IKZF2: variants seen among roughly 807,000 people sequenced by gnomAD.
The protein encoded by IKZF2 is zinc finger protein Helios.
Under a neutral mutation model 49.2 loss-of-function variants are expected in IKZF2, and 15 were observed. The observed-to-expected ratio is 0.30, with a 90% CI of 0.20 to 0.47. The LOEUF (loss-of-function observed/expected upper bound fraction) is 0.47, where lower values mean the gene tolerates loss of function less well. Among genes scored for constraint, IKZF2 ranks in the 20% least tolerant of loss-of-function variants. IKZF2 has a pLI of 1.00. For synonymous variants in IKZF2, 227 were observed against 221.4 expected, an observed-to-expected ratio of 1.03 and a Z score of -0.23; for missense variants, 567 against 664.6, an observed-to-expected ratio of 0.85 and a Z score of 1.61.
rs200368879 is a variant in IKZF2, at chr2:213,061,213, ACAAT to A, written c.140-4118_140-4115del. Among the ~76,000 whole-genome samples, 765 of 151,674 alleles carry A rather than the reference ACAAT, an allele frequency of 5.0e-3. 6 individuals carry two copies. The highest frequency in any genetic ancestry group is 0.017 in the African/African-American group (708 of 41,522). On this transcript the variant is annotated intron_variant, in intron 4 of 8. Transcript: ENST00000434687. ...CTTCAGTAACCATTCTAGGCTCTCT[ACAAT>A]CAAAGGCTTCACAATAGTCATTGCT... is the stretch of plus-strand genomic sequence containing the variant.
intron 4 of IKZF2, among the ~76,000 whole-genome samples, chr2:213,141,216 T>A (rs6721296): frequency 0.27 from 40,890 of 151,810 alleles, 6,894 homozygotes; most frequent in Non-Finnish European, 0.38. Context: ...CCTTCCTTTT[T>A]ATCCCACTAC....
chr2:213,151,827 G>T (rs1210297017), upstream of IKZF2, among the ~76,000 whole-genome samples: 1 of 149,090 alleles, frequency 6.7e-6, no homozygotes, highest in Non-Finnish European at 1.5e-5. Flanking sequence ...GGGCCCGAGC[G>T]CCTGTGCGTG....
intron 4 of IKZF2, among the ~76,000 whole-genome samples, chr2:213,057,378 T>G (rs887518865): frequency 1.3e-5 from 2 of 152,256 alleles, no homozygotes; most frequent in East Asian, 3.9e-4. Flanking sequence ...TTTAAACAAG[T>G]TTTTTTAATA....
chr2:213,061,197 C>T (rs1701645246), intron 4 of IKZF2, among the ~76,000 whole-genome samples: 1 of 151,392 alleles, frequency 6.6e-6, no homozygotes, highest in African/African-American at 2.4e-5. Context: ...CCTTCAGTAA[C>T]CATTCTAGGC....
intron 6 of IKZF2, among the ~76,000 whole-genome samples, chr2:213,042,542 G>A (rs189439641): frequency 3.9e-5 from 6 of 151,956 alleles, no homozygotes; most frequent in African/African-American, 1.2e-4. Context: ...TATTTCCAAC[G>A]AAATAATTAC....
intron 4 of IKZF2, among the ~76,000 whole-genome samples, chr2:213,145,173 A>G (rs1428801766): frequency 9.1e-6 from 1 of 110,094 alleles, no homozygotes; most frequent in Non-Finnish European, 1.7e-5. Context: ...CTGTTTTACT[A>G]AAAAAAAAAA....
chr2:213,127,000 G>T (rs1242295643), intron 4 of IKZF2, among the ~76,000 whole-genome samples: 2 of 152,140 alleles, frequency 1.3e-5, no homozygotes, highest in Admixed American at 6.5e-5. Context: ...ACTGCTATCT[G>T]CCGGGAAATG....
intron 4 of IKZF2, among the ~76,000 whole-genome samples, chr2:213,090,108 T>A (rs947809870): frequency 1.3e-5 from 2 of 152,126 alleles, no homozygotes; most frequent in African/African-American, 4.8e-5. Context: ...TCCTGAGCTG[T>A]GGATGCAAAC....
rs1701227300 is a variant in IKZF2, at chr2:213,057,024, C to T, written c.215G>A (p.Arg72Lys). The change falls in exon 5 of 9, where the codon AGG becomes AAG. Residue 72 changes from arginine to lysine, a missense_variant. Arg to Lys is a conservative substitution (Grantham distance 26). This residue lies in a region of IKZF2 where 156 missense variants were observed against 138.5 expected (regional missense o/e 1.13). Transcript: ENST00000434687. ...TAGGCTGCTACCCTCATCATGGCCCCTGATCTCATCTTCACGGCTCAGGGG... is the reference window on the plus strand; with the variant it reads ...TAGGCTGCTACCCTCATCATGGCCCTTGATCTCATCTTCACGGCTCAGGGG... ...RKPLSREDEI[R>K]GHDEGSSLEE... is the part of the protein sequence containing the mutation. The T allele has an allele frequency of 1.2e-6, 2 of 1,613,876 alleles. No individual in the cohort carries two copies. Among genetic ancestry groups the T allele is most frequent in the South Asian group, 2.2e-5 (2 of 91,072 alleles).
intron 4 of IKZF2, among the ~76,000 whole-genome samples, chr2:213,069,818 T>C (rs1702518489): frequency 6.6e-6 from 1 of 152,120 alleles, no homozygotes; most frequent in African/African-American, 2.4e-5. Context: ...CTGAACAAAG[T>C]TAGCAATATG....
intron 6 of IKZF2, among the ~76,000 whole-genome samples, chr2:213,035,133 C>T (rs747782219): frequency 2.0e-5 from 3 of 151,958 alleles, no homozygotes; most frequent in South Asian, 2.1e-4. Context: ...GCCTAGGTTA[C>T]GTTAAATTAG....
chr2:213,064,947 C>T (rs929059694), intron 4 of IKZF2, among the ~76,000 whole-genome samples: 2 of 152,032 alleles, frequency 1.3e-5, no homozygotes, highest in Non-Finnish European at 2.9e-5. Context: ...CAAGAACTGC[C>T]TACTGCCTAC....
intron 4 of IKZF2, among the ~76,000 whole-genome samples, chr2:213,144,875 C>T (rs1006009395): frequency 6.6e-6 from 1 of 151,876 alleles, no homozygotes; most frequent in Non-Finnish European, 1.5e-5. Flanking sequence ...TTAAGTTTAT[C>T]TTAGATGCTA....
intron 5 of IKZF2, among the ~76,000 whole-genome samples, chr2:213,050,776 C>T (rs986799985): frequency 2.6e-5 from 4 of 151,846 alleles, no homozygotes; most frequent in Non-Finnish European, 5.9e-5. Context: ...AAAACATGTA[C>T]GCAATGAAGC....
At chr2:213,078,601 C>T (rs1386983820) in intron 4 of IKZF2, among the ~76,000 whole-genome samples, 1 of 152,178 alleles carries the variant, frequency 6.6e-6, no homozygotes, top group African/African-American at 2.4e-5. Context: ...AGTTGAAGAG[C>T]AGGGCTTAGG....
chr2:213,147,313 T>C, intron 4 of IKZF2: 1 of 372,900 alleles, frequency 2.7e-6, no homozygotes, highest in South Asian at 6.5e-5. Context: ...ACTGACGGTT[T>C]AGCTTTCTAC....
At position 213,117,635 on chromosome 2, in the gene IKZF2, A is replaced by G. The variant is rs569632347; in HGVS notation, c.139+30073T>C. Among the ~76,000 whole-genome samples, 335 of 152,352 alleles carry G rather than the reference A, an allele frequency of 2.2e-3. 1 individual carries two copies. The highest frequency in any genetic ancestry group is 7.7e-3 in the African/African-American group (320 of 41,586). The stretch of plus-strand genomic sequence containing the variant: ...ATTCTGATCCTGAGTCCCTACATCC[A>G]TCACTGCAGTCACTGCAACTGCATT... On this transcript the variant is annotated intron_variant, in intron 4 of 8. Coordinates refer to ENST00000434687, the MANE Select transcript of IKZF2 (RefSeq NM_001387220.1).
chr2:213,129,139 G>A (rs2060382487), intron 4 of IKZF2, among the ~76,000 whole-genome samples: 1 of 151,766 alleles, frequency 6.6e-6, no homozygotes, highest in Non-Finnish European at 1.5e-5. Flanking sequence ...TCATCTGTGA[G>A]TTCACATTTA....
intron 4 of IKZF2, among the ~76,000 whole-genome samples, chr2:213,058,641 C>G (rs1036796672): frequency 6.6e-6 from 1 of 151,824 alleles, no homozygotes; most frequent in Non-Finnish European, 1.5e-5. Context: ...TACTCCCTTA[C>G]TAGTTTTTAA....
Sources: allele counts gnomAD v4.1 joint callset (sites outside exome capture counted in the v4.1 genomes callset), GRCh38; gene constraint gnomAD v4.1.1; regional missense constraint gnomAD v4.1.1; transcripts MANE v1.5; gene names NCBI Gene and HGNC (gene_info 2026-07-23, HGNC 2026-07-21).